MUC12: variants seen among roughly 807,000 people sequenced by gnomAD.
The protein encoded by MUC12 is mucin 12, cell surface associated.
In MUC12, 172 loss-of-function variants were observed where a neutral mutation model predicts 230.8. The ratio of observed to expected loss-of-function variants is 0.75; its 90% CI spans 0.66 to 0.85. The LOEUF is 0.85. MUC12 is among the 40% of genes least tolerant of loss of function. The pLI, the probability that MUC12 is intolerant of heterozygous loss-of-function variation, is 0.00. For synonymous variants in MUC12, 1,259 were observed against 2,401.9 expected (o/e 0.52, Z 13.91); for missense variants, 3,506 against 5,920.6 (o/e 0.59, Z 13.38).
intron 1 of MUC12, among the ~76,000 whole-genome samples, chr7:100,972,347 G>A (rs981131437): frequency 5.6e-5 from 4 of 71,950 alleles, no homozygotes; most frequent in Non-Finnish European, 8.9e-5. Flanking sequence ...CTGCACCCGC[G>A]CCTCTCCTTC....
In MUC12 at chr7:101,004,878, A is replaced by T. The variant is rs199538247; in HGVS notation, c.14315A>T (p.Gln4772Leu). 5.2e-6 allele frequency: 8 copies of T among 1,537,638 alleles called. No homozygotes were observed. The highest frequency in any genetic ancestry group is 7.0e-6 in the Non-Finnish European group (8 of 1,147,032). The change falls in exon 2 of 12, where the codon CAA becomes CTA. Residue 4772 changes from glutamine to leucine, a missense_variant. Coordinates refer to ENST00000536621, the MANE Select transcript of MUC12 (RefSeq NM_001164462.2). ...ISGEPTSLYS[Q>L]AESTHTTAFP... is the part of the protein sequence containing the mutation. Reference sequence around the variant, plus strand: ...GGAGAACCCACCAGCTTGTATAGCCAAGCAGAGTCAACACACACAACAGCG... The same window carrying T: ...GGAGAACCCACCAGCTTGTATAGCCTAGCAGAGTCAACACACACAACAGCG...
Position 101,009,125 on chromosome 7 carries a change from C to T in MUC12, c.15217C>T (p.Pro5073Ser), listed in dbSNP as rs1213597383. 1 of 1,537,916 alleles carries T rather than the reference C, an allele frequency of 6.5e-7. No individual in the cohort carries two copies. Among genetic ancestry groups the T allele is most frequent in the South Asian group, 1.2e-5 (1 of 84,062 alleles). Reference protein sequence around the residue: ...MDVVLKGDNLPQYRGVNIRRL... With the variant: ...MDVVLKGDNLSQYRGVNIRRL... Reference sequence around the variant, plus strand: ...TGTCGTTTTGAAGGGCGACAATCTTCCTCAGTATAGAGGGGTGAACATTCG... The same window carrying T: ...TGTCGTTTTGAAGGGCGACAATCTTTCTCAGTATAGAGGGGTGAACATTCG... Residue 5073 changes from proline (P) to serine (S), a missense_variant, in exon 5 of 12, where the codon CCT becomes TCT. Pro to Ser is a moderately conservative substitution (Grantham distance 74). Transcript: ENST00000536621.
At position 100,969,609 on chromosome 7, in the gene MUC12, C is replaced by T; in HGVS notation, c.-14C>T. 6.5e-7 allele frequency: 1 copy of T among 1,537,448 alleles called. No individual in the cohort carries two copies. Among genetic ancestry groups the T allele is most frequent in the Non-Finnish European group, 8.7e-7 (1 of 1,146,950 alleles). On this transcript the variant is annotated 5_prime_UTR_variant, in exon 1 of 12. Coordinates refer to ENST00000536621, the MANE Select transcript of MUC12 (RefSeq NM_001164462.2). ...TGAGAGAAGATGGGCAGCCAGGGGC[C>T]CGTTCCCCGGGAGATGCTGGTGATC...
chr7:101,017,501 A>G, intron 10 of MUC12, 74 bp from the exon 11 acceptor site: 1 of 952,816 alleles, frequency 1.0e-6, no homozygotes, highest in Non-Finnish European at 1.6e-6. Context: ...TCCTTTTGCC[A>G]GAGGAAATCC....
rs372227524 is a variant in MUC12, at chr7:100,992,831, C to T, written c.2268C>T (p.Asp756=). Residue 756 remains aspartate (D), a synonymous_variant, in exon 2 of 12, where the codon GAC becomes GAT. Transcript: ENST00000536621. Reference sequence around the variant, plus strand: ...CAACTGCAACAACACACTTCCCTGACAGCTCCACAACCTCAGGCCGTAGTG... The same window carrying T: ...CAACTGCAACAACACACTTCCCTGATAGCTCCACAACCTCAGGCCGTAGTG... ...PGSTATTHFP[D]SSTTSGRSEE... The T allele has an allele frequency of 9.2e-5, 142 of 1,537,552 alleles. No individual in the cohort carries two copies. In the East Asian group the frequency reaches 2.8e-3, roughly 30 times the overall value.
chr7:100,981,656 T>G (rs1436656237), intron 1 of MUC12: 2 of 410,774 alleles, frequency 4.9e-6, no homozygotes, highest in Non-Finnish European at 4.3e-6. Flanking sequence ...AAGGACAAAC[T>G]GAATGGTAAC....
rs1309860669 is a variant in MUC12 at position 101,018,613 on chromosome 7, G to C, written c.15985G>C (p.Glu5329Gln). 3 of 1,536,078 alleles carry C rather than the reference G, an allele frequency of 2.0e-6. No homozygotes were observed. The highest frequency in any genetic ancestry group is 2.6e-6 in the Non-Finnish European group (3 of 1,146,322). ...SGTELHIQRP[E>Q]MVASTV Reference sequence around the variant, plus strand: ...CCCCCAGCTCCACATCCAGAGGCCGGAGATGGTAGCATCCACTGTGTGAGC... The same window carrying C: ...CCCCCAGCTCCACATCCAGAGGCCGCAGATGGTAGCATCCACTGTGTGAGC... Residue 5329 changes from glutamate (E) to glutamine (Q), a missense_variant, in exon 12 of 12, where the codon GAG (glutamate) becomes CAG (glutamine). Physicochemically the swap from Glu to Gln is conservative, Grantham distance 29 (BLOSUM62 2). Coordinates refer to ENST00000536621, the MANE Select transcript of MUC12 (RefSeq NM_001164462.2).
At position 101,014,040 on chromosome 7, in the gene MUC12, A is replaced by T. The variant is rs914856772; in HGVS notation, c.15766A>T (p.Ile5256Phe). The part of the protein sequence containing the change: ...VLLLALIILI[I>F]LFSLSQRKRH... ...GCTGCTCGCATTGATCATCCTAATC[A>T]TCTTATTCAGCCTATCCCAGAGAAA... Residue 5256 changes from isoleucine (I) to phenylalanine (F), a missense_variant, in exon 9 of 12, where the codon ATC becomes TTC. Coordinates refer to ENST00000536621, the MANE Select transcript of MUC12 (RefSeq NM_001164462.2). 4 of 1,536,302 alleles carry T rather than the reference A, an allele frequency of 2.6e-6. No individual in the cohort carries two copies. The African/African-American group carries it at 5.5e-5, about 21-fold the overall frequency.
At chr7:101,014,857 C>T (rs1046217030) in intron 9 of MUC12, among the ~76,000 whole-genome samples, 5 of 151,916 alleles carry the variant, frequency 3.3e-5, no homozygotes, top group African/African-American at 9.7e-5. Context: ...TATATTGCCC[C>T]GGCTGGTCTG....
chr7:100,982,907 A>C (rs1793131116), intron 1 of MUC12, among the ~76,000 whole-genome samples: 2 of 150,304 alleles, frequency 1.3e-5, no homozygotes, highest in Non-Finnish European at 3.0e-5. Context: ...TAATATTTAA[A>C]ATTTTTTTGT....
rs957655612 is a variant in MUC12 at position 101,014,212 on chromosome 7, G to GA, written c.15800+139dup. On this transcript the variant is annotated intron_variant, in intron 9 of 11. Coordinates refer to ENST00000536621, the MANE Select transcript of MUC12 (RefSeq NM_001164462.2). Reference sequence around the variant, plus strand: ...CAGCTGAGGCCAGATGGGGTGCCCAGACCCTCCCAGCCCTGGGTGCAGCAA... The same window carrying GA: ...CAGCTGAGGCCAGATGGGGTGCCCAGAACCCTCCCAGCCCTGGGTGCAGCAA... 3.0e-6 allele frequency: 3 copies of GA among 1,005,444 alleles called. No homozygotes were observed. In the African/African-American group the frequency reaches 4.9e-5, roughly 17 times the overall value. The allele number at this position is 1,005,444 out of a possible 1,614,324, so 62.3% of individuals were successfully genotyped here.
rs1054487494 is a variant in MUC12, at chr7:100,992,587, C to A, written c.2024C>A (p.Ala675Asp). The change falls in exon 2 of 12, where the codon GCC (alanine) becomes GAC (aspartate). Residue 675 changes from alanine to aspartate, a missense_variant. Transcript: ENST00000536621. The stretch of plus-strand genomic sequence containing the variant: ...TCAATTCCAACAACCCACATTTCTG[C>A]CCGCTCCACAACCTCAGGCCTCGTT... ...PSSIPTTHIS[A>D]RSTTSGLVEE... is the part of the protein sequence containing the mutation. 6.5e-7 allele frequency: 1 copy of A among 1,537,770 alleles called. No homozygotes were observed. The highest frequency in any genetic ancestry group is 8.7e-7 in the Non-Finnish European group (1 of 1,147,012).
chr7:100,969,853 G>T (rs1792817166), intron 1 of MUC12, among the ~76,000 whole-genome samples, 164 bp downstream of exon 1: 2 of 152,304 alleles, frequency 1.3e-5, no homozygotes, highest in South Asian at 2.1e-4. Context: ...TGCTTTGGGG[G>T]TGCTGAAGAG....
rs1015265980 is a variant in MUC12, at chr7:101,005,206, C to A, written c.14643C>A (p.Phe4881Leu). The A allele has an allele frequency of 2.0e-6, 3 of 1,537,800 alleles. No individual in the cohort carries two copies. In the African/African-American group the frequency reaches 4.1e-5, roughly 21 times the overall value. The change falls in exon 2 of 12, where the codon TTC (phenylalanine) becomes TTA (leucine). Residue 4881 changes from phenylalanine to leucine, a missense_variant. Phe to Leu is a conservative substitution (Grantham distance 22). Transcript: ENST00000536621. ...MSIHSQQSTP[F>L]PDSPGFTHTV... ...TTCATAGTCAACAATCTACACCCTT[C>A]CCTGACAGCCCAGGCTTCACTCACA...
In MUC12 at chr7:101,004,734, C is replaced by A; in HGVS notation, c.14171C>A (p.Thr4724Lys). Residue 4724 changes from threonine to lysine, a missense_variant, in exon 2 of 12, where the codon ACA becomes AAA. By Grantham distance (78) the Thr-to-Lys change is moderately conservative. Coordinates refer to ENST00000536621, the MANE Select transcript of MUC12 (RefSeq NM_001164462.2). Reference protein sequence around the residue: ...FYISPGSMETTLASTATTPGL... With the variant: ...FYISPGSMETKLASTATTPGL... ...ATCTCTCCAGGCTCAATGGAAACAA[C>A]ATTAGCCAGCACTGCCACAACACCA... 1 of 1,537,016 alleles carries A rather than the reference C, an allele frequency of 6.5e-7. No individual in the cohort carries two copies. Among genetic ancestry groups the A allele is most frequent in the South Asian group, 1.2e-5 (1 of 84,008 alleles).
At chr7:100,977,478 G>T (rs771629692) in intron 1 of MUC12, among the ~76,000 whole-genome samples, 7 of 151,394 alleles carry the variant, frequency 4.6e-5, no homozygotes, top group Non-Finnish European at 7.4e-5. Flanking sequence ...CAATTCTCCT[G>T]CCTCAGCCTT....
intron 1 of MUC12, among the ~76,000 whole-genome samples, chr7:100,969,972 C>G (rs1485252949): frequency 1.3e-5 from 2 of 152,308 alleles, no homozygotes; most frequent in African/African-American, 2.4e-5. Context: ...CAGGCTCCCC[C>G]CGGGAGGATG....
At chr7:101,006,706 AG>A (rs1793758865) in intron 3 of MUC12, 134 bp downstream of exon 3, 6 of 652,164 alleles carry the variant, frequency 9.2e-6, no homozygotes, top group African/African-American at 9.0e-5. Flanking sequence ...GCAACACTGT[AG>A]GGAGAACATG....
intron 1 of MUC12, among the ~76,000 whole-genome samples, chr7:100,990,291 A>G (rs1424825599): frequency 6.6e-6 from 1 of 152,130 alleles, no homozygotes; most frequent in Non-Finnish European, 1.5e-5. Flanking sequence ...TTTAGGCTGC[A>G]CCCCCTTATG....
Sources: gnomAD v4.1 joint callset for allele counts (sites outside exome capture counted in the v4.1 genomes callset) on GRCh38, gnomAD v4.1.1 for gene constraint, MANE v1.5 for transcripts, NCBI Gene and HGNC (gene_info 2026-07-23, HGNC 2026-07-21) for gene names.